Variants in NSD2 observed in about 807,000 individuals in gnomAD.
NSD2 encodes the protein nuclear receptor binding SET domain protein 2.
NSD2 carries 12 observed loss-of-function variants against 139.0 expected under a neutral mutation model. That is an observed-to-expected ratio of 0.09 (90% CI 0.06 to 0.14). The LOEUF is 0.14. Ranked by LOEUF, NSD2 falls within the 10% of genes least tolerant of loss-of-function variation. NSD2 has a pLI of 1.00. For missense variants in NSD2, 1,155 were observed against 1,745.0 expected (o/e 0.66, Z 6.02); for synonymous variants, 669 against 648.7 (o/e 1.03, Z -0.48).
intron 1 of NSD2, among the ~76,000 whole-genome samples, chr4:1,885,982 A>T (rs1013223221): frequency 6.6e-6 from 1 of 152,226 alleles, no homozygotes; most frequent in African/African-American, 2.4e-5. Context: ...AATATATTTT[A>T]TGAATAATTT....
intron 9 of NSD2, chr4:1,945,634 C>G: frequency 1.9e-6 from 2 of 1,064,444 alleles, no homozygotes; most frequent in Non-Finnish European, 2.3e-6. Flanking sequence ...CTGTCCTCCT[C>G]TGTGTCCCGG....
rs769203933 is a variant in NSD2 at position 1,978,761 on chromosome 4, C to G, written c.3950C>G (p.Pro1317Arg). ...HQDGTAFSCT[P>R]DGRSYCCEHD... ...GACGGGACAGCCTTCAGCTGCACCCCGGACGGGCGGTCCTACTGCTGTGAG... is the reference window on the plus strand; with the variant it reads ...GACGGGACAGCCTTCAGCTGCACCCGGGACGGGCGGTCCTACTGCTGTGAG... Residue 1317 changes from proline to arginine, a missense_variant, in exon 22 of 22, where the codon CCG becomes CGG. Transcript: ENST00000508803. 5 of 1,614,044 alleles carry G rather than the reference C, an allele frequency of 3.1e-6. No individual in the cohort carries two copies. The highest frequency in any genetic ancestry group is 1.1e-5 in the South Asian group (1 of 91,070).
intron 3 of NSD2, among the ~76,000 whole-genome samples, chr4:1,915,829 C>G (rs776720335): frequency 7.9e-5 from 12 of 152,142 alleles, no homozygotes; most frequent in Non-Finnish European, 1.5e-4. Flanking sequence ...GGCCAGTGTT[C>G]TGCATGAGGG....
In NSD2 at chr4:1,884,384, A is replaced by T. The variant is rs564553642; in HGVS notation, c.-30+12842A>T. ...AGCACTAAGATTACAAGTGTGAGCC[A>T]CCGCAGGCCCCTTTTGTTCTTTTTT... On this transcript the variant is annotated intron_variant, in intron 1 of 21. Transcript: ENST00000508803. Among the ~76,000 whole-genome samples the T allele has an allele frequency of 1.2e-3, 184 of 148,872 alleles. 1 individual carries two copies. Among genetic ancestry groups the T allele is most frequent in the African/African-American group, 4.3e-3 (174 of 40,246 alleles).
intron 6 of NSD2, among the ~76,000 whole-genome samples, chr4:1,931,983 T>C (rs1172238494): frequency 6.6e-6 from 1 of 152,198 alleles, no homozygotes; most frequent in Non-Finnish European, 1.5e-5. Flanking sequence ...GCTGAGTGCT[T>C]AGTGGATAGA....
rs11930983 is a variant in NSD2, at chr4:1,881,646, C to T, written c.-30+10104C>T. Among the ~76,000 whole-genome samples, 998 of 152,282 alleles carry T rather than the reference C, an allele frequency of 6.6e-3. 8 individuals are homozygous for T. The highest frequency in any genetic ancestry group is 0.022 in the African/African-American group (923 of 41,528). ...TCCTCGACTCAAGCAGTCCTTCTGC[C>T]TGCACCTCCCAAAGTTCTGGGAATA... On this transcript the variant is annotated intron_variant, in intron 1 of 21. Coordinates refer to ENST00000508803, the MANE Select transcript of NSD2 (RefSeq NM_001042424.3).
At chr4:1,889,835 A>T (rs1168627872) in intron 1 of NSD2, among the ~76,000 whole-genome samples, 1 of 151,796 alleles carries the variant, frequency 6.6e-6, no homozygotes, top group Non-Finnish European at 1.5e-5. Flanking sequence ...TTGAGATAAA[A>T]TTCACATAAC....
At chr4:1,941,350 C>T in intron 9 of NSD2, 3 of 1,052,068 alleles carry the variant, frequency 2.9e-6, no homozygotes, top group Non-Finnish European at 3.4e-6. Flanking sequence ...GTAGAGAGAA[C>T]ATGGAGCCTG....
chr4:1,910,112 CCTTTGGAAATCTTAAGTTA>C (rs1200849202), intron 3 of NSD2, among the ~76,000 whole-genome samples: 2 of 151,810 alleles, frequency 1.3e-5, no homozygotes, highest in Admixed American at 1.3e-4. Flanking sequence ...ATCAAAATTT[CCTTTGGAAATCTTAAGTTA>C]ATGAAAGTCT....
chr4:1,895,687 TC>T (rs1322963499), intron 1 of NSD2, among the ~76,000 whole-genome samples: 3 of 152,192 alleles, frequency 2.0e-5, no homozygotes, highest in Non-Finnish European at 4.4e-5. Context: ...GGGGCATCTC[TC>T]AGTGGCTCTC....
chr4:1,905,588 G>A (rs1404634466), intron 3 of NSD2, among the ~76,000 whole-genome samples: 1 of 152,272 alleles, frequency 6.6e-6, no homozygotes, highest in Non-Finnish European at 1.5e-5. Flanking sequence ...GGCTGTGGGA[G>A]CAGGTGGCTG....
Position 1,958,062 on chromosome 4 carries a change from C to T in NSD2, c.2985+26C>T, listed in dbSNP as rs376253701. The T allele has an allele frequency of 2.3e-5, 37 of 1,604,368 alleles. No homozygotes were observed. Among genetic ancestry groups the T allele is most frequent in the Admixed American group, 2.0e-4 (12 of 59,296 alleles). On this transcript the variant is annotated intron_variant, in intron 16 of 21. Coordinates refer to ENST00000508803, the MANE Select transcript of NSD2 (RefSeq NM_001042424.3). The surrounding 1 kb of genome is among the most constrained non-coding windows in gnomAD (Gnocchi z 4.6). ...GTGGCGTGTGGGAGCTGCGTGCACG[C>T]GTGTGGAGGGAGTCTTCCCCGAGGG... is the stretch of plus-strand genomic sequence containing the variant.
intron 9 of NSD2, 133 bp from the exon 10 acceptor site, chr4:1,950,939 A>G: frequency 8.4e-7 from 1 of 1,190,286 alleles, no homozygotes; most frequent in Non-Finnish European, 1.2e-6. Context: ...CTGTGAAATC[A>G]CTGGCGGTAC....
intron 6 of NSD2, among the ~76,000 whole-genome samples, chr4:1,934,878 AAT>A (rs1161633448): frequency 0.1 from 2,212 of 22,030 alleles, 149 homozygotes; most frequent in East Asian, 0.12. Context: ...AAAAAAAAAA[AAT>A]ATATATATAT....
intron 5 of NSD2, among the ~76,000 whole-genome samples, chr4:1,923,742 C>G (rs367770508): frequency 6.6e-6 from 1 of 152,128 alleles, no homozygotes; most frequent in African/African-American, 2.4e-5. Flanking sequence ...TTTGCCCTTG[C>G]ACGCAGAGAG....
chr4:1,970,304 G>A lies in NSD2; in HGVS notation c.3373-4559G>A, dbSNP rs140486025. On this transcript the variant is annotated intron_variant, in intron 18 of 21. Coordinates refer to ENST00000508803, the MANE Select transcript of NSD2 (RefSeq NM_001042424.3). ...CTGTTCACAGCAGGACCCAGTGCTC[G>A]GGACAGGGTGGGCTCCTCAGAACGA... Among the ~76,000 whole-genome samples, 616 of 152,352 alleles carry A rather than the reference G, an allele frequency of 4.0e-3. 5 individuals are homozygous for A. The highest frequency in any genetic ancestry group is 0.014 in the African/African-American group (573 of 41,578).
chr4:1,970,943 C>T (rs910124123), intron 18 of NSD2, among the ~76,000 whole-genome samples: 1 of 152,208 alleles, frequency 6.6e-6, no homozygotes. Context: ...CTGACTGTGG[C>T]CAGCATATCT....
Position 1,956,429 on chromosome 4 carries a change from C to T in NSD2, c.2881+241C>T, listed in dbSNP as rs1423912727. Among the ~76,000 whole-genome samples the T allele has an allele frequency of 6.6e-6, 1 of 152,280 alleles. No homozygotes were observed. Among genetic ancestry groups the T allele is most frequent in the Non-Finnish European group, 1.5e-5 (1 of 68,030 alleles). On this transcript the variant is annotated intron_variant, in intron 15 of 21. Coordinates refer to ENST00000508803, the MANE Select transcript of NSD2 (RefSeq NM_001042424.3). This position sits in a 1 kb window ranked among gnomAD's most constrained non-coding sequence, Gnocchi z 5.3. ...ATTAAAATTCTGTAAACCTATTATT[C>T]AGAAATTATTTTTAATACTAATTTA... is the stretch of plus-strand genomic sequence containing the variant.
At chr4:1,872,581 TGTGTGTGTGTGAGA>T (rs1270250568) in intron 1 of NSD2, among the ~76,000 whole-genome samples, 1 of 66,198 alleles carries the variant, frequency 1.5e-5, no homozygotes, top group African/African-American at 5.2e-5. Flanking sequence ...TGTGTGTGTG[TGTGTGTGTGTGAGA>T]GAGAGAGAGA....
Sources: allele counts gnomAD v4.1 joint callset (sites outside exome capture counted in the v4.1 genomes callset), GRCh38; gene constraint gnomAD v4.1.1; non-coding constraint Gnocchi (gnomAD v3.1); transcripts MANE v1.5; gene names NCBI Gene and HGNC (gene_info 2026-07-23, HGNC 2026-07-21).